HSD17B12: variants seen among roughly 807,000 people sequenced by gnomAD.
The protein encoded by HSD17B12 is very-long-chain 3-oxoacyl-CoA reductase.
Under a neutral mutation model 39.3 loss-of-function variants are expected in HSD17B12, and 32 were observed. That is an observed-to-expected ratio of 0.81 (90% CI 0.61 to 1.09). The LOEUF (loss-of-function observed/expected upper bound fraction) is 1.09. HSD17B12 is among the 50% of genes least tolerant of loss of function. HSD17B12 has a pLI of 0.00. For synonymous variants in HSD17B12, 150 were observed against 146.7 expected (o/e 1.02, Z -0.16); for missense variants, 342 against 382.9 (o/e 0.89, Z 0.89).
chr11:43,680,920 C>T lies in HSD17B12; in HGVS notation c.93C>T (p.Phe31=). 4 of 1,613,746 alleles carry T rather than the reference C, an allele frequency of 2.5e-6. No homozygotes were observed. In the South Asian group the frequency reaches 3.3e-5, roughly 13 times the overall value. Residue 31 remains phenylalanine (F), a synonymous_variant, in exon 1 of 11, where the codon TTC becomes TTT. Transcript: ENST00000278353. Reference sequence around the variant, plus strand: ...CCCTGCGTATTTCGTACTCGCTCTTCACGGCCCTCCGGGTCTGGGGAGTGG... The same window carrying T: ...CCCTGCGTATTTCGTACTCGCTCTTTACGGCCCTCCGGGTCTGGGGAGTGG... The part of the protein sequence containing the change: ...YLALRISYSL[F]TALRVWGVGN...
chr11:43,711,544 G>A (rs1309395978), intron 1 of HSD17B12, among the ~76,000 whole-genome samples: 1 of 149,486 alleles, frequency 6.7e-6, no homozygotes, highest in Non-Finnish European at 1.5e-5. Context: ...GTACAATCAC[G>A]GCTTACTGTA....
chr11:43,590,506 ATTTTT>A, the HSD17B12 span, among the ~76,000 whole-genome samples: 9 of 51,610 alleles, frequency 1.7e-4, no homozygotes, highest in Non-Finnish European at 2.2e-4. Context: ...GGAGTGAGTG[ATTTTT>A]TTTTTTTTTT....
chr11:43,625,738 A>G, the HSD17B12 span, among the ~76,000 whole-genome samples: 3 of 151,314 alleles, frequency 2.0e-5, no homozygotes, highest in African/African-American at 4.8e-5. Flanking sequence ...TACTCTTGAT[A>G]TCTGGGTCTA....
Position 43,839,235 on chromosome 11 carries a change from T to C in HSD17B12, c.619-764T>C, listed in dbSNP as rs900444913. On this transcript the variant is annotated intron_variant, in intron 8 of 10. Coordinates refer to ENST00000278353, the MANE Select transcript of HSD17B12 (RefSeq NM_016142.3). ...TCATGTGAAAAAACAGTCACCACTG[T>C]CTTTTGAAAAGCTTGGTACCACCTC... Among the ~76,000 whole-genome samples the C allele has an allele frequency of 3.3e-5, 5 of 152,144 alleles. No homozygotes were observed. In the South Asian group the frequency reaches 6.2e-4, roughly 19 times the overall value.
the HSD17B12 span, among the ~76,000 whole-genome samples, chr11:43,656,934 G>C: frequency 6.6e-6 from 1 of 152,168 alleles, no homozygotes; most frequent in East Asian, 1.9e-4. Context: ...GTGCAGAGCT[G>C]AGTTCAATTC....
At chr11:43,622,463 A>T in the HSD17B12 span, among the ~76,000 whole-genome samples, 1 of 151,968 alleles carries the variant, frequency 6.6e-6, no homozygotes, top group African/African-American at 2.4e-5. Flanking sequence ...AATAAAATAA[A>T]TTTTTTACTT....
chr11:43,626,525 CAG>C, the HSD17B12 span, among the ~76,000 whole-genome samples: 1 of 151,590 alleles, frequency 6.6e-6, no homozygotes, highest in African/African-American at 2.4e-5. Context: ...TAGCAAGAAA[CAG>C]AAACTATATG....
chr11:43,597,536 G>C, the HSD17B12 span, among the ~76,000 whole-genome samples: 1 of 152,196 alleles, frequency 6.6e-6, no homozygotes, highest in South Asian at 2.1e-4. Flanking sequence ...GATAATATTA[G>C]AGTGGTTTGG....
At chr11:43,580,396 C>G in the HSD17B12 span, among the ~76,000 whole-genome samples, 1 of 151,218 alleles carries the variant, frequency 6.6e-6, no homozygotes. Context: ...GGGTGGGCTG[C>G]AGAGTTGAAA....
chr11:43,812,808 A>G (rs1256442355), intron 4 of HSD17B12, among the ~76,000 whole-genome samples: 1 of 152,156 alleles, frequency 6.6e-6, no homozygotes, highest in Non-Finnish European at 1.5e-5. Context: ...CCTTTGCTCA[A>G]TTATCAGAGA....
intron 1 of HSD17B12, among the ~76,000 whole-genome samples, chr11:43,714,948 T>G (rs975442385): frequency 6.6e-6 from 1 of 152,328 alleles, no homozygotes; most frequent in South Asian, 2.1e-4. Flanking sequence ...TGTATAAGAA[T>G]GCTTGTGATT....
intron 3 of HSD17B12, among the ~76,000 whole-genome samples, chr11:43,783,314 A>G (rs1412453842): frequency 6.6e-6 from 1 of 152,148 alleles, no homozygotes; most frequent in East Asian, 1.9e-4. Flanking sequence ...AGACTGCAGT[A>G]AGTACATACT....
At chr11:43,563,405 C>A in the HSD17B12 span, among the ~76,000 whole-genome samples, 3 of 152,184 alleles carry the variant, frequency 2.0e-5, 1 homozygote, top group Admixed American at 6.5e-5. Flanking sequence ...TTTCCTATTC[C>A]AAATTTATCT....
chr11:43,695,671 GTCTTCTTCT>G (rs10687930), intron 1 of HSD17B12, among the ~76,000 whole-genome samples: 1 of 149,550 alleles, frequency 6.7e-6, no homozygotes, highest in African/African-American at 2.4e-5. Context: ...GTTCTAATTA[GTCTTCTTCT>G]TCTTCTTCTT....
At chr11:43,782,556 G>A (rs1013419876) in intron 3 of HSD17B12, among the ~76,000 whole-genome samples, 1 of 151,714 alleles carries the variant, frequency 6.6e-6, no homozygotes, top group African/African-American at 2.4e-5. Flanking sequence ...CGAGCCTGTA[G>A]TCCCAGCTAC....
intron 3 of HSD17B12, among the ~76,000 whole-genome samples, chr11:43,782,168 C>A (rs1264342183): frequency 1.3e-5 from 2 of 152,130 alleles, no homozygotes; most frequent in African/African-American, 4.8e-5. Flanking sequence ...TTTATTTAGA[C>A]CCTTTATCCA....
intron 3 of HSD17B12, among the ~76,000 whole-genome samples, chr11:43,790,533 T>A (rs2135029560): frequency 6.6e-6 from 1 of 152,276 alleles, no homozygotes. Flanking sequence ...TATATACCTA[T>A]ATGTGCTCTT....
the HSD17B12 span, among the ~76,000 whole-genome samples, chr11:43,631,100 C>A: frequency 1.3e-5 from 2 of 152,078 alleles, no homozygotes; most frequent in Admixed American, 6.6e-5. Flanking sequence ...CCATAGCGCC[C>A]GACCAATAAT....
At chr11:43,633,103 T>C in the HSD17B12 span, among the ~76,000 whole-genome samples, 2 of 152,214 alleles carry the variant, frequency 1.3e-5, no homozygotes, top group Non-Finnish European at 2.9e-5. Flanking sequence ...TCACCCATAA[T>C]GTATGTTGTA....
Sources: gnomAD v4.1 joint callset for allele counts (sites outside exome capture counted in the v4.1 genomes callset) on GRCh38, gnomAD v4.1.1 for gene constraint, MANE v1.5 for transcripts, NCBI Gene and HGNC (gene_info 2026-07-23, HGNC 2026-07-21) for gene names.